PKHD1: variants seen among roughly 807,000 people sequenced by gnomAD.
PKHD1 encodes the protein PKHD1 ciliary IPT domain containing fibrocystin/polyductin, also known as fibrocystin.
PKHD1 carries 291 observed loss-of-function variants against 412.0 expected under a neutral mutation model. The observed-to-expected ratio is 0.71, with a 90% CI of 0.64 to 0.78. The LOEUF (loss-of-function observed/expected upper bound fraction) is 0.78. PKHD1 is among the 30% of genes least tolerant of loss of function. The pLI, the probability that PKHD1 is intolerant of heterozygous loss-of-function variation, is 0.00. For synonymous variants in PKHD1, 1,777 were observed against 1,821.5 expected (o/e 0.98, Z 0.62); for missense variants, 4,825 against 4,950.7 (o/e 0.97, Z 0.76).
chr6:51,874,783 C>CCAGGCGTGGTGGCAGGTGCCTGTGG lies in PKHD1; in HGVS notation c.7351-4145_7351-4144insCCACAGGCACCTGCCACCACGCCTG, dbSNP rs1445506685. On this transcript the variant is annotated intron_variant, in intron 46 of 66. Coordinates refer to ENST00000371117, the MANE Select transcript of PKHD1 (RefSeq NM_138694.4). ...CTGTACTAAAAACACAAAAAATGAG[C>CCAGGCGTGGTGGCAGGTGCCTGTGG]TCCGGTCTACAGCTCCCAGCGTGAG... Among the ~76,000 whole-genome samples the CCAGGCGTGGTGGCAGGTGCCTGTGG allele has an allele frequency of 1.8e-3, 214 of 121,376 alleles. 44 individuals are homozygous for CCAGGCGTGGTGGCAGGTGCCTGTGG. Among genetic ancestry groups the CCAGGCGTGGTGGCAGGTGCCTGTGG allele is most frequent in the East Asian group, 0.012 (18 of 1,486 alleles). The allele number at this position is 121,376 out of a possible 152,430, so 79.6% of individuals were successfully genotyped here.
chr6:52,032,094 G>A (rs572194369), intron 29 of PKHD1, among the ~76,000 whole-genome samples: 2 of 152,268 alleles, frequency 1.3e-5, no homozygotes, highest in East Asian at 3.9e-4. Flanking sequence ...GTCACCTGGG[G>A]CAGCAAATTC....
chr6:51,795,120 A>G (rs1206881940), intron 52 of PKHD1, among the ~76,000 whole-genome samples: 2 of 152,146 alleles, frequency 1.3e-5, no homozygotes, highest in Non-Finnish European at 2.9e-5. Flanking sequence ...TTTAGATAGT[A>G]TGGCCATTTT....
Position 51,813,744 on chromosome 6 carries a change from C to T in PKHD1, c.8302+17117G>A, listed in dbSNP as rs144771981. On this transcript the variant is annotated intron_variant, in intron 52 of 66. Coordinates refer to ENST00000371117, the MANE Select transcript of PKHD1 (RefSeq NM_138694.4). The stretch of plus-strand genomic sequence containing the variant: ...AATAGGATAGGAAAAGAAAAGATAT[C>T]GGAATAGTAGAGCTTATAAGAATTG... Among the ~76,000 whole-genome samples the T allele has an allele frequency of 2.0e-4, 31 of 152,188 alleles. No individual in the cohort carries two copies. In the East Asian group the frequency reaches 4.6e-3, roughly 23 times the overall value.
chr6:52,070,498 G>A, intron 9 of PKHD1, 53 bp from the exon 10 acceptor site: 3 of 1,376,828 alleles, frequency 2.2e-6, no homozygotes, highest in Middle Eastern at 1.8e-4. Context: ...AGTCTTCTGG[G>A]CCAGGCCATT....
rs979700489 is a variant in PKHD1 at position 52,042,967 on chromosome 6, T to C, written c.2989A>G (p.Met997Val). Residue 997 changes from methionine (M) to valine (V), a missense_variant, in exon 27 of 67, where the codon ATG (methionine) becomes GTG (valine). Met to Val is a conservative substitution (Grantham distance 21, BLOSUM62 1). Transcript: ENST00000371117. ...LLPVGMHRIL[M>V]LVRPSGLAIS... Reference sequence around the variant, plus strand: ...GCAAGACCAGAGGGTCTCACCAACATCAAGATCCGATGCATTCCAACAGGT... The same window carrying C: ...GCAAGACCAGAGGGTCTCACCAACACCAAGATCCGATGCATTCCAACAGGT... 3.1e-6 allele frequency: 5 copies of C among 1,613,860 alleles called. No homozygotes were observed. The African/African-American group carries it at 6.7e-5, about 22-fold the overall frequency.
intron 36 of PKHD1, among the ~76,000 whole-genome samples, chr6:51,938,180 A>G (rs1364217672): frequency 6.6e-6 from 1 of 152,250 alleles, no homozygotes; most frequent in East Asian, 1.9e-4. Flanking sequence ...ATTGTTCAAG[A>G]GGTCACAAGA....
In PKHD1 at chr6:52,043,726, A is replaced by G. The variant is rs1320546830; in HGVS notation, c.2720T>C (p.Val907Ala). The G allele has an allele frequency of 3.7e-6, 6 of 1,612,904 alleles. No individual in the cohort carries two copies. Among genetic ancestry groups the G allele is most frequent in the African/African-American group, 1.3e-5 (1 of 74,864 alleles). ...AGCTGGTACATCATTCACTCGCACA[A>G]CCACCTGAAATGAGGCAAAATTTCT... is the stretch of plus-strand genomic sequence containing the variant. ...LATANQHTQVVVRVNDVPAHC... is the reference protein window; with the variant it reads ...LATANQHTQVAVRVNDVPAHC... The change falls in exon 26 of 67, where the codon GTT becomes GCT. Residue 907 changes from valine (V) to alanine (A), a missense_variant. By Grantham distance (64) the Val-to-Ala change is moderately conservative. Coordinates refer to ENST00000371117, the MANE Select transcript of PKHD1 (RefSeq NM_138694.4).
intron 35 of PKHD1, among the ~76,000 whole-genome samples, chr6:51,968,650 A>T (rs1003418679): frequency 2.6e-5 from 4 of 152,174 alleles, no homozygotes; most frequent in Non-Finnish European, 5.9e-5. Context: ...GCCACCCCAG[A>T]CTTGAACTCC....
chr6:51,697,406 A>G (rs1778930867), intron 60 of PKHD1, among the ~76,000 whole-genome samples: 1 of 152,206 alleles, frequency 6.6e-6, no homozygotes, highest in South Asian at 2.1e-4. Context: ...CATATTCTGC[A>G]CCTACCATGT....
chr6:51,846,920 C>T (rs1771268718), intron 50 of PKHD1, among the ~76,000 whole-genome samples: 1 of 152,076 alleles, frequency 6.6e-6, no homozygotes, highest in Admixed American at 6.6e-5. Context: ...TCTACTGTTC[C>T]TCATACCAAT....
intron 65 of PKHD1, among the ~76,000 whole-genome samples, chr6:51,627,915 A>C (rs2579992): frequency 0.043 from 6,509 of 152,234 alleles, 236 homozygotes; most frequent in African/African-American, 0.093. Context: ...TCTGGGAATA[A>C]TACAGTGAGT....
intron 52 of PKHD1, among the ~76,000 whole-genome samples, chr6:51,824,565 T>G (rs73440182): frequency 1.3e-5 from 2 of 152,098 alleles, no homozygotes; most frequent in African/African-American, 4.8e-5. Context: ...CCTTTCATCT[T>G]TGACTTCAGG....
intron 35 of PKHD1, among the ~76,000 whole-genome samples, chr6:51,969,772 TACAC>T (rs754431630): frequency 1.3e-5 from 2 of 151,012 alleles, no homozygotes; most frequent in Non-Finnish European, 3.0e-5. Context: ...TATATATGTG[TACAC>T]ACACACACAC....
chr6:51,684,635 T>G (rs1013667232), intron 60 of PKHD1, among the ~76,000 whole-genome samples: 1 of 152,092 alleles, frequency 6.6e-6, no homozygotes, highest in Non-Finnish European at 1.5e-5. Flanking sequence ...AGGTTTGCCC[T>G]GCTAGATATT....
intron 50 of PKHD1, among the ~76,000 whole-genome samples, chr6:51,846,276 G>A (rs559560702): frequency 2.0e-4 from 31 of 152,288 alleles, no homozygotes; most frequent in Non-Finnish European, 3.2e-4. Flanking sequence ...TAGCCTGTAG[G>A]TCCGACTCAC....
intron 36 of PKHD1, among the ~76,000 whole-genome samples, chr6:51,950,220 A>AAAAAAAAAAAAATATATAT: frequency 3.2e-4 from 31 of 98,288 alleles, no homozygotes; most frequent in Non-Finnish European, 3.5e-4. Context: ...GAAAAAAAAA[A>AAAAAAAAAAAAATATATAT]ATATATATAT....
intron 60 of PKHD1, among the ~76,000 whole-genome samples, chr6:51,664,859 T>C (rs535835645): frequency 2.7e-3 from 406 of 152,252 alleles, no homozygotes; most frequent in Non-Finnish European, 4.5e-3. Flanking sequence ...CACATGGATT[T>C]TGATTTCTCA....
At chr6:51,720,657 T>G (rs1248244453) in intron 60 of PKHD1, among the ~76,000 whole-genome samples, 1 of 151,026 alleles carries the variant, frequency 6.6e-6, no homozygotes. Flanking sequence ...GCACTCCTAT[T>G]TTTTTTTCAT....
intron 39 of PKHD1, among the ~76,000 whole-genome samples, chr6:51,909,759 C>A (rs771488028): frequency 1.1e-4 from 17 of 152,002 alleles, no homozygotes; most frequent in African/African-American, 3.9e-4. Flanking sequence ...ACAAACCCAA[C>A]CTAAATAGAT....
Sources: gnomAD v4.1 joint callset for allele counts (sites outside exome capture counted in the v4.1 genomes callset) on GRCh38, gnomAD v4.1.1 for gene constraint, MANE v1.5 for transcripts, NCBI Gene and HGNC (gene_info 2026-07-23, HGNC 2026-07-21) for gene names.